DNAJC5: variants seen among roughly 807,000 people sequenced by gnomAD.
The protein encoded by DNAJC5 is dnaJ homolog subfamily C member 5.
DNAJC5 carries 1 observed loss-of-function variant against 23.2 expected under a neutral mutation model. The observed-to-expected ratio is 0.04, with a 90% CI of 0.02 to 0.20. The LOEUF (loss-of-function observed/expected upper bound fraction) is 0.20. DNAJC5 is among the 10% of genes least tolerant of loss of function. The probability of loss-of-function intolerance (pLI) is 1.00; values close to 1 mark genes in which losing one functional copy is unlikely to be tolerated. For synonymous variants in DNAJC5, 136 were observed against 120.0 expected (o/e 1.13, Z -0.87); for missense variants, 180 against 267.0 (o/e 0.67, Z 2.27).
chr20:63,899,782 G>A (rs542070101), intron 1 of DNAJC5, among the ~76,000 whole-genome samples: 1 of 151,690 alleles, frequency 6.6e-6, no homozygotes, highest in Non-Finnish European at 1.5e-5. Flanking sequence ...AGGGTTTCGC[G>A]GTGTTAGCCA....
Position 63,930,980 on chromosome 20 carries a change from T to G in DNAJC5, c.451T>G (p.Ser151Ala). ...AGGCGAGGAGACGGAGTTCTACGTG[T>G]CCCCCGAGGATCTGGAGGCACAGCT... ...PEGEETEFYV[S>A]PEDLEAQLQS... Residue 151 changes from serine (S) to alanine (A), a missense_variant, in exon 4 of 5, where the codon TCC (serine) becomes GCC (alanine). Coordinates refer to ENST00000360864, the MANE Select transcript of DNAJC5 (RefSeq NM_025219.3). 1 of 1,613,992 alleles carries G rather than the reference T, an allele frequency of 6.2e-7. No individual in the cohort carries two copies.
chr20:63,929,165 G>T lies in DNAJC5; in HGVS notation c.108-147G>T. 1 of 949,170 alleles carries T rather than the reference G, an allele frequency of 1.1e-6. No individual in the cohort carries two copies. The highest frequency in any genetic ancestry group is 1.6e-6 in the Non-Finnish European group (1 of 608,712). 58.8% of individuals were successfully genotyped at this position (949,170 alleles called of 1,614,324 possible). A position where few individuals can be genotyped will look rare whatever the true frequency, so the allele number is the denominator to read the frequency against. On this transcript the variant is annotated intron_variant, in intron 2 of 4. Transcript: ENST00000360864. The surrounding 1 kb of genome is among the most constrained non-coding windows in gnomAD (Gnocchi z 8.6). ...GAGCTTGCTTTTGTCCCTGGCCCCTGCAGCCCTGGAGAGTCGGACAGTGAG... is the reference window on the plus strand; with the variant it reads ...GAGCTTGCTTTTGTCCCTGGCCCCTTCAGCCCTGGAGAGTCGGACAGTGAG...
At position 63,933,945 on chromosome 20, in the gene DNAJC5, A is replaced by G. The variant is rs1293086117; in HGVS notation, c.*2377A>G. 1 of 152,334 alleles carries G rather than the reference A, an allele frequency of 6.6e-6. No homozygotes were observed. Among genetic ancestry groups the G allele is most frequent in the African/African-American group, 2.4e-5 (1 of 41,428 alleles). The allele number at this position is 152,334 out of a possible 1,614,324, so 9.4% of individuals were successfully genotyped here. A position where few individuals can be genotyped will look rare whatever the true frequency, so the allele number is the denominator to read the frequency against. On this transcript the variant is annotated 3_prime_UTR_variant, in exon 5 of 5. Transcript: ENST00000360864. ...TGTAGAACCATGCAGCTCCCTGCGG[A>G]AGGTGGGGTAGGGTGGGAAAGAGGA...
At chr20:63,916,261 G>A (rs758828497) in intron 1 of DNAJC5, among the ~76,000 whole-genome samples, 9 of 152,184 alleles carry the variant, frequency 5.9e-5, no homozygotes, top group Non-Finnish European at 7.3e-5. Flanking sequence ...GGGGGAACCC[G>A]CCCCCAATAT....
At chr20:63,924,011 A>G (rs1389325300) in intron 1 of DNAJC5, among the ~76,000 whole-genome samples, 2 of 152,144 alleles carry the variant, frequency 1.3e-5, no homozygotes, top group African/African-American at 4.8e-5. Flanking sequence ...TTCAGTATGA[A>G]TCTATCTGAA....
At chr20:63,899,113 C>T (rs1479787993) in intron 1 of DNAJC5, among the ~76,000 whole-genome samples, 1 of 152,168 alleles carries the variant, frequency 6.6e-6, no homozygotes, top group African/African-American at 2.4e-5. Flanking sequence ...GGTAGTGGTG[C>T]TTCCCCTGCG....
intron 1 of DNAJC5, among the ~76,000 whole-genome samples, chr20:63,899,748 A>C (rs925800027): frequency 1.3e-5 from 2 of 151,104 alleles, no homozygotes; most frequent in African/African-American, 4.9e-5. Context: ...CGCCAGGCTA[A>C]TTTTTTGTAT....
At chr20:63,901,392 G>A (rs781195951) in intron 1 of DNAJC5, among the ~76,000 whole-genome samples, 15 of 152,186 alleles carry the variant, frequency 9.9e-5, no homozygotes, top group African/African-American at 3.1e-4. Context: ...GGCTGACTTC[G>A]GGGAGAGCTC....
At chr20:63,925,133 T>C (rs2053601586) in intron 1 of DNAJC5, among the ~76,000 whole-genome samples, 1 of 152,120 alleles carries the variant, frequency 6.6e-6, no homozygotes, top group South Asian at 2.1e-4. Context: ...CTTGCAGAGC[T>C]TGCTGATGGG....
chr20:63,905,341 C>T (rs1189763527), intron 1 of DNAJC5, among the ~76,000 whole-genome samples: 1 of 152,096 alleles, frequency 6.6e-6, no homozygotes, highest in Non-Finnish European at 1.5e-5. Flanking sequence ...ATCTCGACCT[C>T]CTGACCTCAA....
intron 1 of DNAJC5, chr20:63,908,865 G>C (rs898488844): frequency 1.3e-5 from 2 of 152,220 alleles, no homozygotes; most frequent in Non-Finnish European, 2.9e-5. Flanking sequence ...TTGGGAGGCT[G>C]AGGCAGGCGG....
intron 1 of DNAJC5, among the ~76,000 whole-genome samples, chr20:63,896,311 A>G (rs1485387882): frequency 6.6e-6 from 1 of 152,222 alleles, no homozygotes; most frequent in African/African-American, 2.4e-5. Context: ...ACAAGAGATG[A>G]AATTAGAAGC....
At chr20:63,923,012 G>A (rs553650374) in intron 1 of DNAJC5, among the ~76,000 whole-genome samples, 1 of 151,728 alleles carries the variant, frequency 6.6e-6, no homozygotes, top group Non-Finnish European at 1.5e-5. Context: ...GTGGTGGTAC[G>A]TGCCTGTAGT....
intron 1 of DNAJC5, among the ~76,000 whole-genome samples, chr20:63,911,201 T>G (rs2053480871): frequency 6.6e-6 from 1 of 152,110 alleles, no homozygotes; most frequent in African/African-American, 2.4e-5. Flanking sequence ...CTTCAGCATG[T>G]GGGGTTTGGT....
In DNAJC5 at chr20:63,932,273, T is replaced by G. The variant is rs2053679711; in HGVS notation, c.*705T>G. 6.5e-6 allele frequency: 1 copy of G among 153,422 alleles called. No homozygotes were observed. The highest frequency in any genetic ancestry group is 1.9e-4 in the East Asian group (1 of 5,274). The allele number at this position is 153,422 out of a possible 1,614,324, so 9.5% of individuals were successfully genotyped here. ...CCCTTCCGAGGTTGACACCGTGTCC[T>G]CCGCGGTGTTTCTCGCCTGGTCGTC... On this transcript the variant is annotated 3_prime_UTR_variant, in exon 5 of 5. Coordinates refer to ENST00000360864, the MANE Select transcript of DNAJC5 (RefSeq NM_025219.3). This position sits in a 1 kb window ranked among gnomAD's most constrained non-coding sequence, Gnocchi z 4.4.
intron 1 of DNAJC5, among the ~76,000 whole-genome samples, chr20:63,918,495 ATAT>A (rs2053532570): frequency 6.6e-6 from 1 of 152,258 alleles, no homozygotes; most frequent in African/African-American, 2.4e-5. Context: ...TTTAAGGTAT[ATAT>A]GGGGAAAATG....
At chr20:63,926,837 C>A (rs2053620364) in intron 1 of DNAJC5, among the ~76,000 whole-genome samples, 1 of 152,246 alleles carries the variant, frequency 6.6e-6, no homozygotes. Flanking sequence ...CCCTCCCAGG[C>A]ACACCCTGAA....
intron 1 of DNAJC5, among the ~76,000 whole-genome samples, chr20:63,913,442 G>A (rs558845766): frequency 1.3e-5 from 2 of 151,634 alleles, no homozygotes; most frequent in South Asian, 4.2e-4. Flanking sequence ...TGTTGCCCAG[G>A]CTGGAGTGCA....
intron 1 of DNAJC5, among the ~76,000 whole-genome samples, chr20:63,913,691 A>G (rs930317450): frequency 2.6e-5 from 4 of 152,144 alleles, no homozygotes; most frequent in Non-Finnish European, 5.9e-5. Context: ...CTCCTGCCTC[A>G]GCCTCCCAAG....
Sources: allele counts gnomAD v4.1 joint callset (sites outside exome capture counted in the v4.1 genomes callset), GRCh38; gene constraint gnomAD v4.1.1; non-coding constraint Gnocchi (gnomAD v3.1); transcripts MANE v1.5; gene names NCBI Gene and HGNC (gene_info 2026-07-23, HGNC 2026-07-21).